Variants in OPCML observed in about 807,000 individuals in gnomAD.
OPCML encodes opioid binding protein/cell adhesion molecule like.
OPCML carries 13 observed loss-of-function variants against 37.8 expected under a neutral mutation model. The observed-to-expected ratio is 0.34, with a 90% CI of 0.22 to 0.55. The LOEUF is 0.55. Among genes scored for constraint, OPCML ranks in the 20% least tolerant of loss-of-function variants. The pLI is 0.91. For missense variants in OPCML, 341 were observed against 435.6 expected, an observed-to-expected ratio of 0.78 and a Z score of 1.93; for synonymous variants, 176 against 168.8, an observed-to-expected ratio of 1.04 and a Z score of -0.33.
At chr11:132,539,917 A>C (rs2096351843) in intron 3 of OPCML, among the ~76,000 whole-genome samples, 1 of 151,990 alleles carries the variant, frequency 6.6e-6, no homozygotes, top group African/African-American at 2.4e-5. Flanking sequence ...GATGATGACG[A>C]TAGTGGTGAT....
chr11:132,432,641 C>T (rs2096001155), intron 7 of OPCML, among the ~76,000 whole-genome samples: 1 of 152,190 alleles, frequency 6.6e-6, no homozygotes, highest in Admixed American at 6.5e-5. Context: ...CACATATATT[C>T]ACACATTCAT....
At chr11:133,357,335 A>G (rs1199367529) in intron 1 of OPCML, among the ~76,000 whole-genome samples, 1 of 152,166 alleles carries the variant, frequency 6.6e-6, no homozygotes, top group Non-Finnish European at 1.5e-5. Flanking sequence ...TTAATAACCC[A>G]TGTCTCCCTA....
intron 1 of OPCML, among the ~76,000 whole-genome samples, chr11:133,406,304 G>T (rs765145129): frequency 3.3e-5 from 5 of 152,126 alleles, no homozygotes; most frequent in African/African-American, 4.8e-5. Context: ...AACCTGCAGA[G>T]ATTGGAGGGT....
chr11:132,711,221 ACCTT>A (rs1367560251), intron 2 of OPCML, among the ~76,000 whole-genome samples: 4 of 152,218 alleles, frequency 2.6e-5, no homozygotes, highest in Non-Finnish European at 4.4e-5. Context: ...CTCTTGATGA[ACCTT>A]CATATGGTTC....
At chr11:133,265,018 G>A (rs1470000007) in intron 1 of OPCML, among the ~76,000 whole-genome samples, 3 of 152,124 alleles carry the variant, frequency 2.0e-5, no homozygotes, top group African/African-American at 4.8e-5. Context: ...GAGAGGCCTC[G>A]GGTCCTTGAT....
chr11:133,484,125 A>T (rs1947474846), intron 1 of OPCML, among the ~76,000 whole-genome samples: 1 of 148,974 alleles, frequency 6.7e-6, no homozygotes, highest in Non-Finnish European at 1.5e-5. Flanking sequence ...TAGATAGATG[A>T]TTGATAGATA....
intron 3 of OPCML, among the ~76,000 whole-genome samples, chr11:132,572,749 T>A (rs2096441581): frequency 6.6e-6 from 1 of 152,256 alleles, no homozygotes; most frequent in Middle Eastern, 3.4e-3. Flanking sequence ...TAGTTCTATA[T>A]GAATTGTAGA....
chr11:132,746,170 C>A (rs899291821), intron 2 of OPCML, among the ~76,000 whole-genome samples: 2 of 151,724 alleles, frequency 1.3e-5, no homozygotes, highest in Non-Finnish European at 2.9e-5. Context: ...AGGAAACAGA[C>A]AAGGAGAGAA....
chr11:132,637,220 AC>A (rs1940561496), intron 3 of OPCML, among the ~76,000 whole-genome samples: 1 of 151,652 alleles, frequency 6.6e-6, no homozygotes, highest in Non-Finnish European at 1.5e-5. Flanking sequence ...ACAAGATGTT[AC>A]ACAACAGTCC....
intron 3 of OPCML, among the ~76,000 whole-genome samples, chr11:132,597,335 G>A (rs2096493949): frequency 6.6e-6 from 1 of 152,194 alleles, no homozygotes; most frequent in Non-Finnish European, 1.5e-5. Context: ...AAATGAAAGA[G>A]GATAACACAG....
At chr11:133,165,952 TGCCTC>T (rs1158322090) in intron 1 of OPCML, among the ~76,000 whole-genome samples, 2 of 152,202 alleles carry the variant, frequency 1.3e-5, no homozygotes, top group Non-Finnish European at 2.9e-5. Context: ...GGCCAGCGGA[TGCCTC>T]GGTGATGAAG....
At chr11:132,977,827 A>C (rs1946497009) in intron 1 of OPCML, among the ~76,000 whole-genome samples, 1 of 152,222 alleles carries the variant, frequency 6.6e-6, no homozygotes, top group Non-Finnish European at 1.5e-5. Flanking sequence ...GAATAGGACA[A>C]AAAATGTGTG....
chr11:132,832,327 C>T (rs190633537), intron 2 of OPCML, among the ~76,000 whole-genome samples: 2 of 151,028 alleles, frequency 1.3e-5, no homozygotes, highest in Non-Finnish European at 1.5e-5. Context: ...AACCAACATT[C>T]TTTAAAGCTG....
At chr11:132,759,489 G>A (rs1946183503) in intron 2 of OPCML, among the ~76,000 whole-genome samples, 1 of 152,080 alleles carries the variant, frequency 6.6e-6, no homozygotes, top group African/African-American at 2.4e-5. Context: ...CTTGTTATTG[G>A]CCTATTCAGG....
rs138873388 is a variant in OPCML at position 132,988,380 on chromosome 11, G to A, written c.62-45370C>T. ...CTGCATGAATAATGTAGCCCTATAT[G>A]CTTTTTCCAATGTCTGTCTCATCTC... is the stretch of plus-strand genomic sequence containing the variant. On this transcript the variant is annotated intron_variant, in intron 1 of 7. Transcript: ENST00000524381. Among the ~76,000 whole-genome samples, 612 of 152,248 alleles carry A rather than the reference G, an allele frequency of 4.0e-3. 5 individuals carry two copies. Among genetic ancestry groups the A allele is most frequent in the African/African-American group, 0.014 (572 of 41,542 alleles).
At chr11:133,239,601 C>A (rs989299476) in intron 1 of OPCML, among the ~76,000 whole-genome samples, 3 of 152,212 alleles carry the variant, frequency 2.0e-5, no homozygotes, top group Non-Finnish European at 4.4e-5. Flanking sequence ...CCACCCGCTG[C>A]CTGCCAAGTG....
intron 2 of OPCML, among the ~76,000 whole-genome samples, chr11:132,704,219 A>G (rs1040307922): frequency 3.3e-5 from 5 of 152,222 alleles, no homozygotes; most frequent in Non-Finnish European, 5.9e-5. Flanking sequence ...CCAAAAACAA[A>G]AAAGTATCAA....
chr11:133,073,467 A>G (rs533934141), intron 1 of OPCML, among the ~76,000 whole-genome samples: 1 of 152,372 alleles, frequency 6.6e-6, no homozygotes, highest in South Asian at 2.1e-4. Context: ...AACCCAGGAC[A>G]GGGAGCTGAG....
intron 4 of OPCML, among the ~76,000 whole-genome samples, chr11:132,499,886 G>A (rs79587669): frequency 0.018 from 2,715 of 152,260 alleles, 49 homozygotes; most frequent in Non-Finnish European, 0.024. Flanking sequence ...GCCAACATTC[G>A]AGGACAATAT....
Sources: gnomAD v4.1 joint callset for allele counts (sites outside exome capture counted in the v4.1 genomes callset) on GRCh38, gnomAD v4.1.1 for gene constraint, MANE v1.5 for transcripts, NCBI Gene and HGNC (gene_info 2026-07-23, HGNC 2026-07-21) for gene names.